Variants in ATG14 observed in about 807,000 individuals in gnomAD.
The protein encoded by ATG14 is autophagy related 14.
A neutral mutation model predicts 60.4 loss-of-function variants in ATG14; 35 were observed. That is an observed-to-expected ratio of 0.58 (90% confidence interval 0.44 to 0.77). The LOEUF is 0.77. Ranked by LOEUF, ATG14 falls within the 30% of genes least tolerant of loss-of-function variation. The probability of loss-of-function intolerance (pLI) is 0.00; values close to 1 mark genes in which losing one functional copy is unlikely to be tolerated. For synonymous variants in ATG14, 234 were observed against 228.8 expected (o/e 1.02, Z -0.21); for missense variants, 647 against 626.3 (o/e 1.03, Z -0.35).
At chr14:55,386,519 A>T (rs67412516) in intron 4 of ATG14, among the ~76,000 whole-genome samples, 46,728 of 152,136 alleles carry the variant, frequency 0.31, 7,444 homozygotes, top group Non-Finnish European at 0.34. Context: ...TAATCAGAGA[A>T]CCCAGGGATA....
chr14:55,372,567 CTTCT>C (rs1239247429), intron 9 of ATG14, among the ~76,000 whole-genome samples: 1 of 144,360 alleles, frequency 6.9e-6, no homozygotes, highest in Admixed American at 6.7e-5. Flanking sequence ...CCCTCCCTCC[CTTCT>C]TTCCATCCTT....
chr14:55,380,832 C>T, intron 6 of ATG14, 142 bp from the exon 7 acceptor site: 1 of 268,696 alleles, frequency 3.7e-6, no homozygotes, highest in Non-Finnish European at 6.8e-6. Context: ...CATGACCAGA[C>T]ATAAATGGTC....
intron 7 of ATG14, among the ~76,000 whole-genome samples, chr14:55,378,960 A>G (rs1347471275): frequency 3.3e-5 from 5 of 151,936 alleles, no homozygotes; most frequent in Non-Finnish European, 7.4e-5. Context: ...CTCCTGCCTC[A>G]GCTTCCCAAA....
chr14:55,410,343 T>G (rs1044193216), intron 1 of ATG14, among the ~76,000 whole-genome samples: 8 of 152,194 alleles, frequency 5.3e-5, no homozygotes, highest in Non-Finnish European at 1.5e-5. Context: ...GTAAAACGTG[T>G]AGACAGACAA....
At position 55,368,996 on chromosome 14, in the gene ATG14, G is replaced by A. The variant is rs1884748142; in HGVS notation, c.*623C>T. On this transcript the variant is annotated 3_prime_UTR_variant, in exon 10 of 10. Transcript: ENST00000247178. ...AAGAAAAAGACTTTCATTTTCTTTG[G>A]TGTGTGGGGGAAAGAAAAACAGGAA... 1 of 152,522 alleles carries A rather than the reference G, an allele frequency of 6.6e-6. No homozygotes were observed. The highest frequency in any genetic ancestry group is 6.6e-5 in the Admixed American group (1 of 15,266). 9.4% of individuals were successfully genotyped at this position (152,522 alleles called of 1,614,324 possible).
At chr14:55,399,786 C>T (rs538380109) in intron 1 of ATG14, among the ~76,000 whole-genome samples, 1 of 152,310 alleles carries the variant, frequency 6.6e-6, no homozygotes, top group African/African-American at 2.4e-5. Flanking sequence ...ATCTTGACTT[C>T]AGAGGCCATA....
chr14:55,371,227 G>C lies in ATG14; in HGVS notation c.1173-1302C>G, dbSNP rs368856217. Among the ~76,000 whole-genome samples, 3 of 152,158 alleles carry C rather than the reference G, an allele frequency of 2.0e-5. No homozygotes were observed. The South Asian group carries it at 6.2e-4, about 32-fold the overall frequency. On this transcript the variant is annotated intron_variant, in intron 9 of 9. Coordinates refer to ENST00000247178, the MANE Select transcript of ATG14 (RefSeq NM_014924.5). ...CAGGCAGAAATGAGAGCCTAGAATCGTATAGCTTGCCATTTCAGCCTATGG... is the reference window on the plus strand; with the variant it reads ...CAGGCAGAAATGAGAGCCTAGAATCCTATAGCTTGCCATTTCAGCCTATGG...
chr14:55,370,951 T>G (rs564396028), intron 9 of ATG14, among the ~76,000 whole-genome samples: 1 of 152,264 alleles, frequency 6.6e-6, no homozygotes, highest in African/African-American at 2.4e-5. Context: ...GCCTTTCTGC[T>G]TCTTTTTCCC....
At position 55,402,580 on chromosome 14, in the gene ATG14, C is replaced by G. The variant is rs541512582; in HGVS notation, c.222-5146G>C. Among the ~76,000 whole-genome samples, 8 of 151,800 alleles carry G rather than the reference C, an allele frequency of 5.3e-5. No homozygotes were observed. In the South Asian group the frequency reaches 1.7e-3, roughly 32 times the overall value. ...ACAAAAGACATTAAAATATTTTTATCGGCAAAGATATGAGTATGCTTTTAT... is the reference window on the plus strand; with the variant it reads ...ACAAAAGACATTAAAATATTTTTATGGGCAAAGATATGAGTATGCTTTTAT... On this transcript the variant is annotated intron_variant, in intron 1 of 9. Coordinates refer to ENST00000247178, the MANE Select transcript of ATG14 (RefSeq NM_014924.5).
intron 9 of ATG14, among the ~76,000 whole-genome samples, chr14:55,374,244 C>CTG (rs1359626715): frequency 1.3e-5 from 2 of 151,910 alleles, no homozygotes; most frequent in Admixed American, 1.3e-4. Flanking sequence ...GGGGGTCTCA[C>CTG]TGTGTTGCCC....
intron 2 of ATG14, 77 bp downstream of exon 2, chr14:55,397,295 G>T: frequency 8.2e-7 from 1 of 1,220,450 alleles, no homozygotes; most frequent in Non-Finnish European, 1.2e-6. Context: ...CCGTATATCT[G>T]CATACCACAG....
chr14:55,402,171 T>C (rs1200518674), intron 1 of ATG14, among the ~76,000 whole-genome samples: 1 of 152,130 alleles, frequency 6.6e-6, no homozygotes, highest in African/African-American at 2.4e-5. Flanking sequence ...ACACCCACAA[T>C]TTACTGAGCA....
At chr14:55,409,773 C>T (rs1210140242) in intron 1 of ATG14, among the ~76,000 whole-genome samples, 2 of 152,178 alleles carry the variant, frequency 1.3e-5, no homozygotes, top group East Asian at 1.9e-4. Flanking sequence ...TGGTTAAGGA[C>T]TCCAGCTTTT....
At chr14:55,386,995 TC>T (rs1248027585) in intron 4 of ATG14, among the ~76,000 whole-genome samples, 2 of 152,228 alleles carry the variant, frequency 1.3e-5, no homozygotes, top group African/African-American at 4.8e-5. Context: ...CCCTTGATGG[TC>T]AATTCCATTT....
chr14:55,373,893 T>C (rs577764567), intron 9 of ATG14, among the ~76,000 whole-genome samples: 1 of 152,266 alleles, frequency 6.6e-6, no homozygotes, highest in East Asian at 1.9e-4. Context: ...CCAGGTTCCA[T>C]GAACAATCTT....
chr14:55,383,461 G>A (rs539752635), intron 5 of ATG14, among the ~76,000 whole-genome samples: 2 of 152,208 alleles, frequency 1.3e-5, no homozygotes, highest in South Asian at 4.2e-4. Flanking sequence ...TAAGGCAGGA[G>A]AATTGCTTGA....
At chr14:55,383,777 A>C (rs1050181036) in intron 5 of ATG14, among the ~76,000 whole-genome samples, 2 of 151,524 alleles carry the variant, frequency 1.3e-5, no homozygotes, top group African/African-American at 4.8e-5. Flanking sequence ...ACAAAAAAAA[A>C]CCCACCATGA....
chr14:55,401,897 T>G (rs2140149322), intron 1 of ATG14, among the ~76,000 whole-genome samples: 1 of 152,332 alleles, frequency 6.6e-6, no homozygotes, highest in Non-Finnish European at 1.5e-5. Context: ...GAGAAAATTC[T>G]ATGTAACTGC....
chr14:55,401,451 A>T (rs1343003456), intron 1 of ATG14, among the ~76,000 whole-genome samples: 1 of 152,106 alleles, frequency 6.6e-6, no homozygotes, highest in Non-Finnish European at 1.5e-5. Flanking sequence ...TTCTGAAAGA[A>T]ATCTGCCAGT....
Sources: allele counts gnomAD v4.1 joint callset (sites outside exome capture counted in the v4.1 genomes callset), GRCh38; gene constraint gnomAD v4.1.1; transcripts MANE v1.5; gene names NCBI Gene and HGNC (gene_info 2026-07-23, HGNC 2026-07-21).